Variants in EFCAB3 observed in about 807,000 individuals in gnomAD.
The protein encoded by EFCAB3 is EF-hand calcium binding domain 3, also known as EF-hand calcium-binding domain-containing protein 3.
In EFCAB3, 36 loss-of-function variants were observed where a neutral mutation model predicts 42.2. The ratio of observed to expected loss-of-function variants is 0.85; its 90% CI spans 0.65 to 1.13. The LOEUF (loss-of-function observed/expected upper bound fraction) is 1.13, where lower values mean the gene tolerates loss of function less well. Among genes scored for constraint, EFCAB3 ranks in the 50% most tolerant of loss-of-function variants. The pLI is 0.00. For missense variants in EFCAB3, 418 were observed against 505.1 expected (o/e 0.83, Z 1.65); for synonymous variants, 170 against 172.8 (o/e 0.98, Z 0.13).
chr17:62,374,552 T>TA lies in EFCAB3; in HGVS notation c.88+686dup, dbSNP rs559262500. ...ACATAATCTCAGTACTTTTTGGTTG[T>TA]AGGCCCCTTATATTTAATTATTTCT... On this transcript the variant is annotated intron_variant, in intron 2 of 11. Transcript: ENST00000450662. Among the ~76,000 whole-genome samples the TA allele has an allele frequency of 5.1e-4, 78 of 152,320 alleles. 2 individuals are homozygous for TA. In the South Asian group the frequency reaches 0.011, roughly 21 times the overall value.
At chr17:62,397,673 G>A in intron 6 of EFCAB3, 1 of 585,640 alleles carries the variant, frequency 1.7e-6, no homozygotes, top group East Asian at 4.1e-5. Context: ...ACCCAATGGT[G>A]GTTGCTTGAA....
At chr17:62,373,251 G>A (rs2070126704) in intron 1 of EFCAB3, among the ~76,000 whole-genome samples, 2 of 147,456 alleles carry the variant, frequency 1.4e-5, no homozygotes, top group South Asian at 2.1e-4. Context: ...CTGCACTCCA[G>A]CCTGGGTGAC....
intron 4 of EFCAB3, among the ~76,000 whole-genome samples, chr17:62,392,560 C>G (rs2070312781): frequency 6.6e-6 from 1 of 151,990 alleles, no homozygotes. Flanking sequence ...ACAAATCTTT[C>G]TTTTTCCATC....
intron 8 of EFCAB3, among the ~76,000 whole-genome samples, chr17:62,412,163 G>A (rs572532248): frequency 8.3e-4 from 126 of 151,746 alleles, no homozygotes; most frequent in African/African-American, 2.5e-3. Flanking sequence ...ATCACCTGAG[G>A]TCAGGAGTTC....
upstream of EFCAB3, among the ~76,000 whole-genome samples, chr17:62,377,267 G>A (rs2070158269): frequency 6.6e-6 from 1 of 152,066 alleles, no homozygotes; most frequent in South Asian, 2.1e-4. Flanking sequence ...ATGTTTCTGT[G>A]TTTCATCATC....
chr17:62,384,289 A>T (rs2009866), intron 2 of EFCAB3, among the ~76,000 whole-genome samples: 107,446 of 152,154 alleles, frequency 0.71, 42,162 homozygotes, highest in Non-Finnish European at 0.87. Context: ...TTGATCCAAG[A>T]TAAGGTCTGA....
chr17:62,398,435 C>T (rs551792075), intron 6 of EFCAB3, among the ~76,000 whole-genome samples: 1 of 137,134 alleles, frequency 7.3e-6, no homozygotes, highest in South Asian at 2.2e-4. Context: ...GCCTGGACAA[C>T]AGAGTGAGAC....
At chr17:62,401,337 G>T (rs561356536) in intron 6 of EFCAB3, among the ~76,000 whole-genome samples, 38 of 152,206 alleles carry the variant, frequency 2.5e-4, no homozygotes, top group Middle Eastern at 3.4e-3. Flanking sequence ...CGTTGCTTTT[G>T]GTGTTTTAGA....
At chr17:62,378,068 T>A (rs1280117729), upstream of EFCAB3, 1 of 1,442,316 alleles carries the variant, frequency 6.9e-7, no homozygotes, top group East Asian at 2.5e-5. Flanking sequence ...GGCTTAATAC[T>A]TTGACTTACA....
intron 2 of EFCAB3, chr17:62,373,976 T>G (rs541890707): frequency 6.6e-5 from 36 of 544,988 alleles, no homozygotes; most frequent in Admixed American, 1.2e-4. Flanking sequence ...TATAGAAAAT[T>G]TCTATATTTA....
intron 6 of EFCAB3, among the ~76,000 whole-genome samples, chr17:62,401,258 A>G (rs925137164): frequency 6.6e-6 from 1 of 152,150 alleles, no homozygotes; most frequent in African/African-American, 2.4e-5. Flanking sequence ...CTCTGGTGGT[A>G]GTTTCTTTTG....
chr17:62,398,912 C>T (rs7215493), intron 6 of EFCAB3, among the ~76,000 whole-genome samples: 141,379 of 152,212 alleles, frequency 0.93, 66,590 homozygotes, highest in East Asian at 1. Flanking sequence ...ACATAGTTGA[C>T]ACCGTTTATT....
At chr17:62,413,586 A>G in intron 8 of EFCAB3, 146 bp from the exon 9 acceptor site, 1 of 819,974 alleles carries the variant, frequency 1.2e-6, no homozygotes. Context: ...AAAAAAGTCT[A>G]AACAAACAAA....
chr17:62,410,233 A>T (rs2070483237), intron 8 of EFCAB3, among the ~76,000 whole-genome samples: 1 of 149,202 alleles, frequency 6.7e-6, no homozygotes, highest in South Asian at 2.1e-4. Context: ...ATTAGAACCA[A>T]GAAATAGGCT....
chr17:62,412,301 G>A (rs529370888), intron 8 of EFCAB3, among the ~76,000 whole-genome samples: 131 of 148,486 alleles, frequency 8.8e-4, no homozygotes, highest in African/African-American at 3.1e-3. Context: ...ACTTGAACCC[G>A]GGAGGCAAAG....
upstream of EFCAB3, chr17:62,377,990 T>A (rs1027020814): frequency 2.9e-5 from 45 of 1,549,826 alleles, no homozygotes; most frequent in Non-Finnish European, 3.8e-5. Context: ...TGACTCTGCA[T>A]AAGTTGAAAA....
chr17:62,385,359 T>C (rs150547278), intron 2 of EFCAB3, among the ~76,000 whole-genome samples: 18 of 152,260 alleles, frequency 1.2e-4, no homozygotes, highest in African/African-American at 3.9e-4. Context: ...GGAAGGATCC[T>C]TGAGCCTGGG....
At chr17:62,402,874 C>A (rs1460397624) in intron 6 of EFCAB3, among the ~76,000 whole-genome samples, 1 of 152,148 alleles carries the variant, frequency 6.6e-6, no homozygotes, top group Non-Finnish European at 1.5e-5. Flanking sequence ...GTACCAGCTC[C>A]TCTTTGTACC....
At chr17:62,371,551 C>T (rs529155160) in intron 1 of EFCAB3, among the ~76,000 whole-genome samples, 88 of 152,106 alleles carry the variant, frequency 5.8e-4, no homozygotes, top group African/African-American at 1.9e-3. Context: ...AGTGAGACTC[C>T]GTCTCAAAAA....
Sources: gnomAD v4.1 joint callset for allele counts (sites outside exome capture counted in the v4.1 genomes callset) on GRCh38, gnomAD v4.1.1 for gene constraint, MANE v1.5 for transcripts, NCBI Gene and HGNC (gene_info 2026-07-23, HGNC 2026-07-21) for gene names.